METTL25: variants seen among roughly 807,000 people sequenced by gnomAD.
METTL25 encodes probable methyltransferase-like protein 25.
In METTL25, 64 loss-of-function variants were observed where a neutral mutation model predicts 71.6. The ratio of observed to expected loss-of-function variants is 0.89; its 90% confidence interval spans 0.73 to 1.10. The LOEUF is 1.10. Ranked by LOEUF, METTL25 falls within the 50% of genes least tolerant of loss-of-function variation. The probability of loss-of-function intolerance (pLI) is 0.00; values close to 1 mark genes in which losing one functional copy is unlikely to be tolerated. For synonymous variants in METTL25, 287 were observed against 250.3 expected, an observed-to-expected ratio of 1.15 and a Z score of -1.38; for missense variants, 807 against 707.0, an observed-to-expected ratio of 1.14 and a Z score of -1.60.
At chr12:82,457,263 A>G (rs1335226701) in intron 9 of METTL25, among the ~76,000 whole-genome samples, 1 of 151,950 alleles carries the variant, frequency 6.6e-6, no homozygotes, top group South Asian at 2.1e-4. Context: ...TTAGTAATTG[A>G]TAACATATTA....
chr12:82,378,825 T>G (rs1262298066), intron 1 of METTL25, among the ~76,000 whole-genome samples: 2 of 152,050 alleles, frequency 1.3e-5, no homozygotes, highest in African/African-American at 4.8e-5. Flanking sequence ...CTCAGGAGTT[T>G]GAGACCAGCC....
intron 1 of METTL25, among the ~76,000 whole-genome samples, chr12:82,359,286 A>C (rs1592562250): frequency 1.5e-5 from 1 of 67,274 alleles, no homozygotes; most frequent in Non-Finnish European, 2.8e-5. Flanking sequence ...GAGGTCAGGA[A>C]CATGAGAAGG....
chr12:82,375,740 A>T (rs935021570), intron 1 of METTL25, among the ~76,000 whole-genome samples: 1 of 152,200 alleles, frequency 6.6e-6, no homozygotes, highest in African/African-American at 2.4e-5. Context: ...ACCTTTGAGC[A>T]TCTCTTTTAT....
intron 3 of METTL25, 21 bp downstream of exon 3, chr12:82,389,943 T>C (rs1885421372): frequency 2.2e-6 from 3 of 1,353,488 alleles, no homozygotes; most frequent in Non-Finnish European, 3.2e-6. Context: ...TTCCGTATGT[T>C]TTTAGGTGTT....
At chr12:82,372,666 C>CT (rs1883362878) in intron 1 of METTL25, among the ~76,000 whole-genome samples, 1 of 152,088 alleles carries the variant, frequency 6.6e-6, no homozygotes, top group African/African-American at 2.4e-5. Context: ...TGAGCCACCT[C>CT]TTTTTTAGGA....
At chr12:82,384,779 A>T (rs938799735) in intron 1 of METTL25, among the ~76,000 whole-genome samples, 11 of 152,070 alleles carry the variant, frequency 7.2e-5, no homozygotes, top group Non-Finnish European at 1.2e-4. Flanking sequence ...TAACGTTTAC[A>T]TTTCCAACAG....
intron 4 of METTL25, among the ~76,000 whole-genome samples, chr12:82,401,886 T>G (rs891716932): frequency 2.6e-5 from 4 of 152,090 alleles, no homozygotes; most frequent in Middle Eastern, 3.2e-3. Context: ...ATTAGAAATT[T>G]TTTAGTTCCA....
chr12:82,415,536 G>C (rs895898134), intron 5 of METTL25, among the ~76,000 whole-genome samples: 4 of 152,108 alleles, frequency 2.6e-5, no homozygotes, highest in African/African-American at 9.7e-5. Flanking sequence ...GCTCTCTACA[G>C]GCTGGAGACC....
chr12:82,441,911 G>A (rs1039615809), intron 8 of METTL25, among the ~76,000 whole-genome samples: 1 of 151,374 alleles, frequency 6.6e-6, no homozygotes, highest in African/African-American at 2.4e-5. Context: ...TCCTTGCCAG[G>A]CTGTAATGAA....
chr12:82,401,407 G>A (rs2137017776), intron 4 of METTL25, among the ~76,000 whole-genome samples: 1 of 152,110 alleles, frequency 6.6e-6, no homozygotes, highest in South Asian at 2.1e-4. Flanking sequence ...ATATGGTAGT[G>A]TACTAAGTCA....
chr12:82,476,612 C>A, intron 9 of METTL25, 32 bp from the exon 10 acceptor site: 2 of 1,343,342 alleles, frequency 1.5e-6, no homozygotes, highest in South Asian at 1.3e-5. Flanking sequence ...TTTAAACTAT[C>A]GTTAAATTTA....
At chr12:82,372,809 A>T (rs1194289033) in intron 1 of METTL25, among the ~76,000 whole-genome samples, 1 of 152,012 alleles carries the variant, frequency 6.6e-6, no homozygotes, top group East Asian at 1.9e-4. Context: ...CTGCCCAAGA[A>T]CCCACAAGGG....
chr12:82,405,541 A>G (rs1252920064), intron 5 of METTL25, among the ~76,000 whole-genome samples: 1 of 152,148 alleles, frequency 6.6e-6, no homozygotes, highest in Non-Finnish European at 1.5e-5. Flanking sequence ...TGAAAAAAGA[A>G]ATTTAGTTAC....
intron 6 of METTL25, among the ~76,000 whole-genome samples, chr12:82,433,118 G>A (rs1291178483): frequency 1.3e-5 from 2 of 151,388 alleles, no homozygotes; most frequent in Non-Finnish European, 3.0e-5. Flanking sequence ...CCACCTACCT[G>A]ATTATTTTTT....
At chr12:82,365,942 C>G (rs1465962912) in intron 1 of METTL25, among the ~76,000 whole-genome samples, 2 of 152,060 alleles carry the variant, frequency 1.3e-5, no homozygotes, top group African/African-American at 2.4e-5. Context: ...ATCAGCCAGA[C>G]ATGGTGGCGG....
In METTL25 at chr12:82,389,800, C is replaced by A. The variant is rs1555205406; in HGVS notation, c.425-16C>A. On this transcript the variant is annotated splice_polypyrimidine_tract_variant and intron_variant, in intron 2 of 11. Coordinates refer to ENST00000248306, the MANE Select transcript of METTL25 (RefSeq NM_032230.3). Reference sequence around the variant, plus strand: ...TTTGATTCTTTAATAGCAGTTTTTACTTTTATTTTCATTAGGTGAAAATCA... The same window carrying A: ...TTTGATTCTTTAATAGCAGTTTTTAATTTTATTTTCATTAGGTGAAAATCA... The A allele has an allele frequency of 1.3e-6, 2 of 1,504,604 alleles. No individual in the cohort carries two copies. Among genetic ancestry groups the A allele is most frequent in the Non-Finnish European group, 1.8e-6 (2 of 1,087,880 alleles). 93.2% of individuals were successfully genotyped at this position (1,504,604 alleles called of 1,614,324 possible). A position where few individuals can be genotyped will look rare whatever the true frequency, so the allele number is the denominator to read the frequency against.
chr12:82,387,731 ACT>A (rs1491058723), intron 2 of METTL25, among the ~76,000 whole-genome samples: 1 of 150,056 alleles, frequency 6.7e-6, no homozygotes, highest in Non-Finnish European at 1.5e-5. Flanking sequence ...ACACACACAC[ACT>A]CTTTTTCTGA....
chr12:82,434,623 CTT>C (rs937510679), intron 6 of METTL25, 70 bp from the exon 7 acceptor site: 1 of 1,248,044 alleles, frequency 8.0e-7, no homozygotes, highest in African/African-American at 1.6e-5. Flanking sequence ...TTTACAAACT[CTT>C]ATACAGTGTG....
chr12:82,398,914 C>G lies in METTL25; in HGVS notation c.651C>G (p.Asn217Lys), dbSNP rs1156401641. Residue 217 changes from asparagine to lysine, a missense_variant, in exon 4 of 12, where the codon AAC becomes AAG. Asn to Lys is a moderately conservative substitution (Grantham distance 94). Coordinates refer to ENST00000248306, the MANE Select transcript of METTL25 (RefSeq NM_032230.3). ...ATACTCATGGAGCTGAGGAGAGAAA[C>G]AGAAAATTGAAGAAACATTGGAAAC... The part of the protein sequence containing the change: ...NTNTHGAEER[N>K]RKLKKHWKLC... 1.9e-6 allele frequency: 3 copies of G among 1,612,134 alleles called. No individual in the cohort carries two copies. In the African/African-American group the frequency reaches 4.0e-5, roughly 22 times the overall value.
Sources: allele counts gnomAD v4.1 joint callset (sites outside exome capture counted in the v4.1 genomes callset), GRCh38; gene constraint gnomAD v4.1.1; transcripts MANE v1.5; gene names NCBI Gene and HGNC (gene_info 2026-07-23, HGNC 2026-07-21).